Variants in PHACTR2 observed in about 807,000 individuals in gnomAD.
PHACTR2 encodes phosphatase and actin regulator 2, also known as chromosome 6 open reading frame 56.
In PHACTR2, 30 loss-of-function variants were observed where a neutral mutation model predicts 76.0. The ratio of observed to expected loss-of-function variants is 0.39; its 90% CI spans 0.30 to 0.54. The LOEUF (loss-of-function observed/expected upper bound fraction) is 0.54. Ranked by LOEUF, PHACTR2 falls within the 20% of genes least tolerant of loss-of-function variation. PHACTR2 has a pLI of 0.61. For synonymous variants in PHACTR2, 292 were observed against 292.5 expected (o/e 1.00, Z 0.02); for missense variants, 696 against 781.1 (o/e 0.89, Z 1.30).
In PHACTR2 at chr6:143,802,056, G is replaced by C. The variant is rs916861079; in HGVS notation, c.1846-5001G>C. On this transcript the variant is annotated intron_variant, in intron 11 of 12. Transcript: ENST00000440869. ...TTCTTCCCGGCATAACGCCTGAGCT[G>C]ACTGGGACTGATGAAGCAGACCTGT... Among the ~76,000 whole-genome samples, 4 of 152,188 alleles carry C rather than the reference G, an allele frequency of 2.6e-5. No homozygotes were observed. The South Asian group carries it at 8.3e-4, about 32-fold the overall frequency.
At position 143,787,191 on chromosome 6, in the gene PHACTR2, G is replaced by A. The variant is rs769674365; in HGVS notation, c.1708-1582G>A. On this transcript the variant is annotated intron_variant, in intron 10 of 12. Coordinates refer to ENST00000440869, the MANE Select transcript of PHACTR2 (RefSeq NM_001100164.2). This position sits in a 1 kb window ranked among gnomAD's most constrained non-coding sequence, Gnocchi z 4.6. Reference sequence around the variant, plus strand: ...CCATGCCGTAGGTGCAGGTCAGCCCGTAGCACTGGTAGCTACCCCATGACT... The same window carrying A: ...CCATGCCGTAGGTGCAGGTCAGCCCATAGCACTGGTAGCTACCCCATGACT... Among the ~76,000 whole-genome samples the A allele has an allele frequency of 2.6e-5, 4 of 152,328 alleles. No individual in the cohort carries two copies. The highest frequency in any genetic ancestry group is 2.1e-4 in the South Asian group (1 of 4,828).
rs1775186015 is a variant in PHACTR2 at position 143,557,080 on chromosome 6, G to T, written c.217+19873G>T. On this transcript the variant is annotated intron_variant, in intron 1 of 11. Coordinates refer to the PHACTR2 transcript ENST00000367584. This position sits in a 1 kb window ranked among gnomAD's most constrained non-coding sequence, Gnocchi z 5.5. ...CAAAATATGTTCTCCATGTGGTTCG[G>T]CAAGAGGATTCACTTGGTTTGACAA... Among the ~76,000 whole-genome samples the T allele has an allele frequency of 6.6e-6, 1 of 152,180 alleles. No homozygotes were observed. Among genetic ancestry groups the T allele is most frequent in the South Asian group, 2.1e-4 (1 of 4,826 alleles).
rs1376795162 is a variant in PHACTR2 at position 143,743,067 on chromosome 6, G to A, written c.215-5918G>A. Among the ~76,000 whole-genome samples the A allele has an allele frequency of 2.6e-5, 4 of 152,322 alleles. No homozygotes were observed. In the East Asian group the frequency reaches 7.7e-4, roughly 29 times the overall value. Reference sequence around the variant, plus strand: ...AGGACGCTGAGGCACAGAGAAGTTGGTTGAAAGTGCTTTTGGAACACAAAG... The same window carrying A: ...AGGACGCTGAGGCACAGAGAAGTTGATTGAAAGTGCTTTTGGAACACAAAG... On this transcript the variant is annotated intron_variant, in intron 2 of 12. Coordinates refer to ENST00000440869, the MANE Select transcript of PHACTR2 (RefSeq NM_001100164.2). The surrounding 1 kb of genome is among the most constrained non-coding windows in gnomAD (Gnocchi z 5.0).
rs371370905 is a variant in PHACTR2 at position 143,731,541 on chromosome 6, C to T, written c.215-17444C>T. On this transcript the variant is annotated intron_variant, in intron 2 of 12. Transcript: ENST00000440869. This position sits in a 1 kb window ranked among gnomAD's most constrained non-coding sequence, Gnocchi z 4.9. ...ACCTCAGGTGATCTGCCCGCCTCGG[C>T]CTCCCAAAGTGCTGGGATTACAGGC... Among the ~76,000 whole-genome samples the T allele has an allele frequency of 3.5e-4, 53 of 152,258 alleles. No individual in the cohort carries two copies. The South Asian group carries it at 0.01, about 29-fold the overall frequency.
Position 143,549,728 on chromosome 6 carries a change from A to C in PHACTR2, c.217+12521A>C, listed in dbSNP as rs1486819253. ...CTCCTCCCTTCTTCTGCACACGCCT[A>C]CTTTAACAGTTGCTCATTGAGCCTT... On this transcript the variant is annotated intron_variant, in intron 1 of 11. Transcript: ENST00000367584. This position sits in a 1 kb window ranked among gnomAD's most constrained non-coding sequence, Gnocchi z 4.2. Among the ~76,000 whole-genome samples the C allele has an allele frequency of 2.0e-5, 3 of 151,836 alleles. No homozygotes were observed. The highest frequency in any genetic ancestry group is 3.9e-4 in the East Asian group (2 of 5,162).
At chr6:143,686,451 T>C (rs1158318143) in intron 1 of PHACTR2, among the ~76,000 whole-genome samples, 1 of 149,120 alleles carries the variant, frequency 6.7e-6, no homozygotes, top group Non-Finnish European at 1.5e-5. Flanking sequence ...AATTTATATG[T>C]ACACACACAT....
intron 1 of PHACTR2, among the ~76,000 whole-genome samples, chr6:143,631,343 A>G (rs1056049069): frequency 4.6e-5 from 7 of 152,160 alleles, no homozygotes; most frequent in Middle Eastern, 3.4e-3. Context: ...GGTGCAGACC[A>G]CCACCCCTGG....
rs1777824167 is a variant in PHACTR2, at chr6:143,698,484, A to C, written c.47-13532A>C. ...TTAAATGGTTTCCTGTTTAATTTGC[A>C]TAGGATATTTCTACCTTTTAGGCAA... On this transcript the variant is annotated intron_variant, in intron 1 of 12. Transcript: ENST00000440869. This position sits in a 1 kb window ranked among gnomAD's most constrained non-coding sequence, Gnocchi z 4.3. Among the ~76,000 whole-genome samples the C allele has an allele frequency of 6.6e-6, 1 of 152,186 alleles. No individual in the cohort carries two copies.
intron 2 of PHACTR2, among the ~76,000 whole-genome samples, chr6:143,747,682 C>T (rs1251902194): frequency 3.3e-5 from 5 of 152,188 alleles, no homozygotes; most frequent in Non-Finnish European, 7.3e-5. Context: ...AGCTTTCCTG[C>T]TCTTCAAAGT....
intron 1 of PHACTR2, among the ~76,000 whole-genome samples, chr6:143,613,833 T>C (rs935744920): frequency 6.6e-6 from 1 of 152,100 alleles, no homozygotes; most frequent in African/African-American, 2.4e-5. Flanking sequence ...TTAAATAAAC[T>C]CCCCAACCCA....
At chr6:143,796,709 C>T (rs1775835324) in intron 11 of PHACTR2, among the ~76,000 whole-genome samples, 1 of 152,118 alleles carries the variant, frequency 6.6e-6, no homozygotes, top group African/African-American at 2.4e-5. Flanking sequence ...TGGTTTCCAG[C>T]TTCATCCGTG....
intron 7 of PHACTR2, among the ~76,000 whole-genome samples, chr6:143,773,322 G>A (rs1355610471): frequency 1.3e-5 from 2 of 151,968 alleles, no homozygotes; most frequent in Non-Finnish European, 2.9e-5. Flanking sequence ...TATCATTTAT[G>A]TATTAAAAAT....
chr6:143,647,598 G>C lies in PHACTR2; in HGVS notation c.13+39276G>C, dbSNP rs1329773050. ...GGGGCGGGAAAGAAGAGAAAATAGA[G>C]AGACAGAGAATCATGGGGTTTTGAC... On this transcript the variant is annotated intron_variant, in intron 1 of 11. Coordinates refer to the PHACTR2 transcript ENST00000305766. This position sits in a 1 kb window ranked among gnomAD's most constrained non-coding sequence, Gnocchi z 4.2. 6.6e-6 allele frequency among the ~76,000 whole-genome samples: 1 copy of C among 152,190 alleles called. No individual in the cohort carries two copies. Among genetic ancestry groups the C allele is most frequent in the African/African-American group, 2.4e-5 (1 of 41,454 alleles).
rs764789898 is a variant in PHACTR2, at chr6:143,546,462, C to T, written c.217+9255C>T. On this transcript the variant is annotated intron_variant, in intron 1 of 11. Transcript: ENST00000367584. This position sits in a 1 kb window ranked among gnomAD's most constrained non-coding sequence, Gnocchi z 4.9. The stretch of plus-strand genomic sequence containing the variant: ...TGATTTTGGGTCCATAACTCACATA[C>T]TGTAAGCATGTGACATAATAATTAA... Among the ~76,000 whole-genome samples the T allele has an allele frequency of 6.6e-6, 1 of 151,944 alleles. No homozygotes were observed. The highest frequency in any genetic ancestry group is 1.5e-5 in the Non-Finnish European group (1 of 68,002).
rs1775618697 is a variant in PHACTR2, at chr6:143,585,397, G to A, written c.217+48190G>A. Among the ~76,000 whole-genome samples the A allele has an allele frequency of 6.6e-6, 1 of 152,232 alleles. No individual in the cohort carries two copies. Among genetic ancestry groups the A allele is most frequent in the African/African-American group, 2.4e-5 (1 of 41,452 alleles). ...ATGACTTGGCCAGGGCCAAATCTCAGTTAAAATAGAAGCTGAGATTCCAGG... is the reference window on the plus strand; with the variant it reads ...ATGACTTGGCCAGGGCCAAATCTCAATTAAAATAGAAGCTGAGATTCCAGG... On this transcript the variant is annotated intron_variant, in intron 1 of 11. Coordinates refer to the PHACTR2 transcript ENST00000367584. The surrounding 1 kb of genome is among the most constrained non-coding windows in gnomAD (Gnocchi z 5.2).
chr6:143,615,127 C>T (rs9496708), intron 1 of PHACTR2, among the ~76,000 whole-genome samples: 85,383 of 151,972 alleles, frequency 0.56, 25,702 homozygotes, highest in Middle Eastern at 0.71. Context: ...CTTGCAGTCA[C>T]TCTGTAAGTA....
chr6:143,819,872 C>G lies in PHACTR2; in HGVS notation c.1923-3802C>G, dbSNP rs1776374244. Among the ~76,000 whole-genome samples, 1 of 152,114 alleles carries G rather than the reference C, an allele frequency of 6.6e-6. No homozygotes were observed. Among genetic ancestry groups the G allele is most frequent in the Non-Finnish European group, 1.5e-5 (1 of 68,022 alleles). Reference sequence around the variant, plus strand: ...GACTGCTATAAAGAAATACCTGAGACTAGGTAATTTATAAGAAAACAGGTT... The same window carrying G: ...GACTGCTATAAAGAAATACCTGAGAGTAGGTAATTTATAAGAAAACAGGTT... On this transcript the variant is annotated intron_variant, in intron 12 of 12. Transcript: ENST00000440869. The surrounding 1 kb of genome is among the most constrained non-coding windows in gnomAD (Gnocchi z 5.0).
chr6:143,692,581 C>T (rs1777671236), intron 1 of PHACTR2, among the ~76,000 whole-genome samples: 1 of 152,176 alleles, frequency 6.6e-6, no homozygotes, highest in African/African-American at 2.4e-5. Context: ...TTTTAAAAAA[C>T]TGAATCCCCT....
In PHACTR2 at chr6:143,608,797, T is replaced by C. The variant is rs1490819169; in HGVS notation, c.13+475T>C. Among the ~76,000 whole-genome samples the C allele has an allele frequency of 1.3e-5, 2 of 152,202 alleles. No homozygotes were observed. Among genetic ancestry groups the C allele is most frequent in the Admixed American group, 6.5e-5 (1 of 15,284 alleles). On this transcript the variant is annotated intron_variant, in intron 1 of 11. Coordinates refer to the PHACTR2 transcript ENST00000305766. This position sits in a 1 kb window ranked among gnomAD's most constrained non-coding sequence, Gnocchi z 4.6. The stretch of plus-strand genomic sequence containing the variant: ...GTTAGGATGCAATGTCGAAAATGTT[T>C]CGATAGCCTCTGATATTTTAATTTC...
Sources: gnomAD v4.1 joint callset for allele counts (sites outside exome capture counted in the v4.1 genomes callset) on GRCh38, gnomAD v4.1.1 for gene constraint, Gnocchi (gnomAD v3.1) non-coding constraint, MANE v1.5 for transcripts, NCBI Gene and HGNC (gene_info 2026-07-23, HGNC 2026-07-21) for gene names.